The following PSTK variants were observed in gnomAD, a reference collection of about 807,000 sequenced individuals.
PSTK encodes L-seryl-tRNA(Sec) kinase.
Under a neutral mutation model 38.6 loss-of-function variants are expected in PSTK, and 26 were observed. The ratio of observed to expected loss-of-function variants is 0.67; its 90% CI spans 0.49 to 0.94. The LOEUF is 0.94. Among genes scored for constraint, PSTK ranks in the 40% least tolerant of loss-of-function variants. PSTK has a pLI of 0.00. For synonymous variants in PSTK, 181 were observed against 161.7 expected, an observed-to-expected ratio of 1.12 and a Z score of -0.91; for missense variants, 445 against 436.3, an observed-to-expected ratio of 1.02 and a Z score of -0.18.
intron 5 of PSTK, among the ~76,000 whole-genome samples, chr10:122,988,449 A>G (rs12262032): frequency 0.018 from 2,812 of 152,128 alleles, 88 homozygotes; most frequent in African/African-American, 0.063. Flanking sequence ...AGTAGTTTTT[A>G]ATTTGTGCTT....
In PSTK at chr10:122,980,694, C is replaced by T. The variant is rs766987914; in HGVS notation, c.215C>T (p.Ala72Val). The change falls in exon 1 of 6, where the codon GCG becomes GTG. Residue 72 changes from alanine to valine, a missense_variant and splice_region_variant. Coordinates refer to ENST00000406217, the MANE Select transcript of PSTK (RefSeq NM_001363531.2). This position sits in a 1 kb window ranked among gnomAD's most constrained non-coding sequence, Gnocchi z 4.3. ...CTCGCCGGGGCAAGAGCGCGACCGG[C>T]GGTCAGCACGGAGGGGCGGGGCCTG... is the stretch of plus-strand genomic sequence containing the variant. ...AFLAGARARP[A>V]PSQWKLLRQE... 3 of 1,306,496 alleles carry T rather than the reference C, an allele frequency of 2.3e-6. No individual in the cohort carries two copies. Among genetic ancestry groups the T allele is most frequent in the Non-Finnish European group, 3.0e-6 (3 of 1,003,464 alleles). The allele number at this position is 1,306,496 out of a possible 1,614,324, so 80.9% of individuals were successfully genotyped here.
chr10:122,983,199 G>T (rs1259574513), intron 2 of PSTK, 73 bp from the exon 3 acceptor site: 2 of 1,319,890 alleles, frequency 1.5e-6, no homozygotes, highest in Non-Finnish European at 2.1e-6. Context: ...GTCATAATTT[G>T]TCTAATATAT....
In PSTK at chr10:122,986,855, C is replaced by T. The variant is rs554752624; in HGVS notation, c.784-14C>T. The T allele has an allele frequency of 1.1e-5, 16 of 1,483,848 alleles. No homozygotes were observed. In the South Asian group the frequency reaches 1.4e-4, roughly 13 times the overall value. The allele number at this position is 1,483,848 out of a possible 1,614,324, so 91.9% of individuals were successfully genotyped here. Reference sequence around the variant, plus strand: ...ACTATGTGACTTCTAATAACAATGTCTGTATTAACATAGGACACAGACAGA... The same window carrying T: ...ACTATGTGACTTCTAATAACAATGTTTGTATTAACATAGGACACAGACAGA... On this transcript the variant is annotated splice_polypyrimidine_tract_variant and intron_variant, in intron 4 of 5. Coordinates refer to ENST00000406217, the MANE Select transcript of PSTK (RefSeq NM_001363531.2).
intron 3 of PSTK, chr10:122,983,810 G>A: frequency 3.9e-6 from 1 of 257,080 alleles, no homozygotes; most frequent in East Asian, 9.3e-5. Context: ...CTGTGAAAGA[G>A]TGCAACAGGT....
chr10:122,983,489 CCTCCCTGGATG>C lies in PSTK; in HGVS notation c.707+25_707+35del, dbSNP rs1319211788. On this transcript the variant is annotated intron_variant, in intron 3 of 5. Coordinates refer to ENST00000406217, the MANE Select transcript of PSTK (RefSeq NM_001363531.2). ...AGGCCAGGTATTCCACTCAATCATC[CCTCCCTGGATG>C]CTCCCCTGTGCCAGGTATCATGGTC... 1 of 1,608,094 alleles carries C rather than the reference CCTCCCTGGATG, an allele frequency of 6.2e-7. No homozygotes were observed. Among genetic ancestry groups the C allele is most frequent in the East Asian group, 2.2e-5 (1 of 44,878 alleles).
chr10:122,980,673 C>A lies in PSTK; in HGVS notation c.194C>A (p.Ala65Asp). ...YDDVMPDAFLAGARARPAPSQ... is the reference protein window; with the variant it reads ...YDDVMPDAFLDGARARPAPSQ... ...GACGTCATGCCCGACGCGTTTCTCG[C>A]CGGGGCAAGAGCGCGACCGGCGGTC... The change falls in exon 1 of 6, where the codon GCC (alanine) becomes GAC (aspartate). Residue 65 changes from alanine (A) to aspartate (D), a missense_variant. Coordinates refer to ENST00000406217, the MANE Select transcript of PSTK (RefSeq NM_001363531.2). The surrounding 1 kb of genome is among the most constrained non-coding windows in gnomAD (Gnocchi z 4.3). 1.3e-6 allele frequency: 2 copies of A among 1,510,038 alleles called. No homozygotes were observed. Among genetic ancestry groups the A allele is most frequent in the East Asian group, 2.7e-5 (1 of 37,672 alleles). 93.5% of individuals were successfully genotyped at this position (1,510,038 alleles called of 1,614,324 possible).
At position 122,983,339 on chromosome 10, in the gene PSTK, G is replaced by C. The variant is rs549732798; in HGVS notation, c.576G>C (p.Gln192His). ...AGACCTGTTTACAGAGGAATGGCCA[G>C]AGGCCACAGGCACTGCCTCCTGAGA... is the stretch of plus-strand genomic sequence containing the variant. ...PLETCLQRNG[Q>H]RPQALPPETI... is the part of the protein sequence containing the mutation. The change falls in exon 3 of 6, where the codon CAG (glutamine) becomes CAC (histidine). Residue 192 changes from glutamine to histidine, a missense_variant. Gln to His is a conservative substitution (Grantham distance 24). Transcript: ENST00000406217. 6.2e-7 allele frequency: 1 copy of C among 1,614,188 alleles called. No individual in the cohort carries two copies. The highest frequency in any genetic ancestry group is 1.3e-5 in the African/African-American group (1 of 75,068).
Position 122,983,018 on chromosome 10 carries a change from C to T in PSTK, c.502C>T (p.Arg168Trp), listed in dbSNP as rs756397701. The T allele has an allele frequency of 8.7e-6, 14 of 1,602,960 alleles. No homozygotes were observed. The highest frequency in any genetic ancestry group is 2.2e-5 in the East Asian group (1 of 44,764). ...SMRYEVYQLA[R>W]KYSLGFCQLF... ...GAGATATGAAGTCTACCAGCTGGCTCGGAAATGTAATTAAAACTTTTTTTT... is the reference window on the plus strand; with the variant it reads ...GAGATATGAAGTCTACCAGCTGGCTTGGAAATGTAATTAAAACTTTTTTTT... Residue 168 changes from arginine to tryptophan, a missense_variant, in exon 2 of 6, where the codon CGG becomes TGG. Transcript: ENST00000406217.
chr10:122,984,250 TC>T (rs1241508636), intron 3 of PSTK: 6 of 152,132 alleles, frequency 3.9e-5, no homozygotes, highest in African/African-American at 1.2e-4. Flanking sequence ...CCTGTCTCAG[TC>T]CCCTAAGTAA....
rs769449398 is a variant in PSTK, at chr10:122,986,864, C to T, written c.784-5C>T. Reference sequence around the variant, plus strand: ...CTTCTAATAACAATGTCTGTATTAACATAGGACACAGACAGAATTATTTGT... The same window carrying T: ...CTTCTAATAACAATGTCTGTATTAATATAGGACACAGACAGAATTATTTGT... On this transcript the variant is annotated splice_region_variant and splice_polypyrimidine_tract_variant and intron_variant, in intron 4 of 5. Transcript: ENST00000406217. 2 of 1,547,882 alleles carry T rather than the reference C, an allele frequency of 1.3e-6. No individual in the cohort carries two copies. The highest frequency in any genetic ancestry group is 3.4e-5 in the Admixed American group (2 of 59,624).
intron 5 of PSTK, 69 bp downstream of exon 5, chr10:122,987,031 A>G (rs1589708691): frequency 9.5e-7 from 1 of 1,049,004 alleles, no homozygotes; most frequent in South Asian, 1.3e-5. Context: ...TATTCCCGAC[A>G]CTCAGAGTTT....
intron 3 of PSTK, 189 bp from the exon 4 acceptor site, chr10:122,986,111 C>T (rs1002533053): frequency 5.9e-6 from 2 of 341,090 alleles, no homozygotes; most frequent in Non-Finnish European, 1.1e-5. Flanking sequence ...GTCCCAGCTA[C>T]TCGGGAGGCT....
At chr10:122,987,274 C>A in intron 5 of PSTK, 1 of 1,554,372 alleles carries the variant, frequency 6.4e-7, no homozygotes, top group East Asian at 2.4e-5. Context: ...TGCCCATGCT[C>A]TGAAGAAAAT....
chr10:122,982,425 T>C (rs952055411), intron 1 of PSTK: 6 of 296,048 alleles, frequency 2.0e-5, no homozygotes, highest in Non-Finnish European at 3.8e-5. Flanking sequence ...AACAAATGCT[T>C]AAACTGTGTA....
Position 122,980,490 on chromosome 10 carries a change from C to G in PSTK, c.11C>G (p.Ala4Gly), listed in dbSNP as rs749402818. Residue 4 changes from alanine (A) to glycine (G), a missense_variant, in exon 1 of 6, where the codon GCC (alanine) becomes GGC (glycine). Transcript: ENST00000406217. This position sits in a 1 kb window ranked among gnomAD's most constrained non-coding sequence, Gnocchi z 4.3. MKT[A>G]ENIRGTGSDG... is the part of the protein sequence containing the mutation. ...GTCTCCCCGGGCAGCATGAAGACCG[C>G]CGAGAACATCAGAGGAACCGGCAGC... 1.9e-6 allele frequency: 3 copies of G among 1,603,578 alleles called. No homozygotes were observed. The highest frequency in any genetic ancestry group is 2.5e-6 in the Non-Finnish European group (3 of 1,177,846).
At chr10:122,990,062 T>C (rs2133364209) in intron 5 of PSTK, 112 bp from the exon 6 acceptor site, 2 of 686,912 alleles carry the variant, frequency 2.9e-6, no homozygotes, top group East Asian at 6.1e-5. Flanking sequence ...TCAATTGTGA[T>C]TGTTTATAGA....
chr10:122,980,774 G>A lies in PSTK; in HGVS notation c.216+79G>A. 1 of 1,298,268 alleles carries A rather than the reference G, an allele frequency of 7.7e-7. No individual in the cohort carries two copies. The allele number at this position is 1,298,268 out of a possible 1,614,324, so 80.4% of individuals were successfully genotyped here. On this transcript the variant is annotated intron_variant, in intron 1 of 5. Transcript: ENST00000406217. The surrounding 1 kb of genome is among the most constrained non-coding windows in gnomAD (Gnocchi z 4.3). ...GCGGGGCGGGGACACTCGCGTCCACGCGGTCCTGGGTGATTTGCCATGAGC... is the reference window on the plus strand; with the variant it reads ...GCGGGGCGGGGACACTCGCGTCCACACGGTCCTGGGTGATTTGCCATGAGC...
At position 122,980,510 on chromosome 10, in the gene PSTK, G is replaced by C. The variant is rs1310726012; in HGVS notation, c.31G>C (p.Gly11Arg). The C allele has an allele frequency of 6.2e-7, 1 of 1,607,798 alleles. No homozygotes were observed. The part of the protein sequence containing the change: MKTAENIRGT[G>R]SDGPRKRGLC... ...GACCGCCGAGAACATCAGAGGAACC[G>C]GCAGCGACGGGCCGCGGAAACGAGG... The change falls in exon 1 of 6, where the codon GGC (glycine) becomes CGC (arginine). Residue 11 changes from glycine (G) to arginine (R), a missense_variant. By Grantham distance (125) the Gly-to-Arg change is moderately radical. Transcript: ENST00000406217. This position sits in a 1 kb window ranked among gnomAD's most constrained non-coding sequence, Gnocchi z 4.3.
chr10:122,983,437 C>T lies in PSTK; in HGVS notation c.674C>T (p.Thr225Ile). Residue 225 changes from threonine to isoleucine, a missense_variant, in exon 3 of 6, where the codon ACA (threonine) becomes ATA (isoleucine). By Grantham distance (89) the Thr-to-Ile change is moderately conservative. Transcript: ENST00000406217. ...EKNAWEHNSL[T>I]IPSPACASEA... ...AATGCTTGGGAACACAACAGCCTCA[C>T]AATTCCGAGTCCAGCATGTGCTTCG... 1 of 1,613,814 alleles carries T rather than the reference C, an allele frequency of 6.2e-7. No homozygotes were observed. Among genetic ancestry groups the T allele is most frequent in the Non-Finnish European group, 8.5e-7 (1 of 1,180,034 alleles).
Sources: allele counts gnomAD v4.1 joint callset (sites outside exome capture counted in the v4.1 genomes callset), GRCh38; gene constraint gnomAD v4.1.1; non-coding constraint Gnocchi (gnomAD v3.1); transcripts MANE v1.5; gene names NCBI Gene and HGNC (gene_info 2026-07-23, HGNC 2026-07-21).